The following CHSY3 variants were observed in gnomAD, a reference collection of about 807,000 sequenced individuals.
CHSY3 encodes N-acetylgalactosaminyl-proteoglycan 3-beta-glucuronosyltransferase 3.
Under a neutral mutation model 67.2 loss-of-function variants are expected in CHSY3, and 35 were observed. The observed-to-expected ratio is 0.52, with a 90% CI of 0.40 to 0.69. The LOEUF is 0.69. CHSY3 is among the 30% of genes least tolerant of loss of function. CHSY3 has a pLI of 0.00. For synonymous variants in CHSY3, 474 were observed against 434.7 expected (o/e 1.09, Z -1.12); for missense variants, 1,069 against 1,138.5 (o/e 0.94, Z 0.88).
intron 2 of CHSY3, among the ~76,000 whole-genome samples, chr5:130,054,141 A>G (rs1765454148): frequency 6.6e-6 from 1 of 152,106 alleles, no homozygotes; most frequent in Non-Finnish European, 1.5e-5. Flanking sequence ...GGTATTTTTA[A>G]TAGCTTCTGG....
At chr5:130,130,432 G>T (rs1255802987) in intron 2 of CHSY3, among the ~76,000 whole-genome samples, 1 of 152,090 alleles carries the variant, frequency 6.6e-6, no homozygotes, top group Non-Finnish European at 1.5e-5. Flanking sequence ...TCTCTAAGAT[G>T]CCACAGACAT....
intron 2 of CHSY3, among the ~76,000 whole-genome samples, chr5:130,055,862 C>A (rs965819373): frequency 6.6e-6 from 1 of 152,086 alleles, no homozygotes; most frequent in Admixed American, 6.6e-5. Context: ...TCATCCCTCT[C>A]CCTGCAGAAT....
intron 2 of CHSY3, among the ~76,000 whole-genome samples, chr5:130,123,414 T>C (rs1768122280): frequency 6.6e-6 from 1 of 152,296 alleles, no homozygotes; most frequent in Admixed American, 6.5e-5. Flanking sequence ...CTATTCCACC[T>C]CAAGCATTAG....
rs569117547 is a variant in CHSY3, at chr5:130,041,590, G to C, written c.1086+133230G>C. Among the ~76,000 whole-genome samples, 129 of 151,738 alleles carry C rather than the reference G, an allele frequency of 8.5e-4. 1 individual carries two copies. The highest frequency in any genetic ancestry group is 1.6e-3 in the Non-Finnish European group (109 of 67,946). ...AAGCAATGGTTGTTTTCTCTAAAAG[G>C]GTATCCCAATTGTGTAAAGATAATA... On this transcript the variant is annotated intron_variant, in intron 2 of 2. Transcript: ENST00000305031.
intron 2 of CHSY3, among the ~76,000 whole-genome samples, chr5:130,112,642 A>G (rs1767625620): frequency 6.6e-6 from 1 of 152,124 alleles, no homozygotes; most frequent in Non-Finnish European, 1.5e-5. Flanking sequence ...GTGGACATAA[A>G]TTGTTTCTAT....
chr5:130,086,329 T>A (rs1250007130), intron 2 of CHSY3, among the ~76,000 whole-genome samples: 2 of 152,104 alleles, frequency 1.3e-5, no homozygotes, highest in African/African-American at 4.8e-5. Context: ...GATAGTTAGC[T>A]CTTCTTGTTG....
Position 130,185,163 on chromosome 5 carries a change from TA to T in CHSY3, c.2025del (p.Tyr677ThrfsTer10). On this transcript the variant is annotated frameshift_variant, in exon 3 of 3. Transcript: ENST00000305031. LOFTEE classifies it high-confidence loss of function. Reference protein sequence around the residue: ...GQDSSKHIELIKGYQNKYPKA... With the variant: ...GQDSSKHIELXKGYQNKYPKA... ...GACTCCAGCAAGCATATTGAGCTGA[TA>T]AAAGGGTACCAGAACAAGTACCCCA... 1.2e-6 allele frequency: 2 copies of T among 1,608,118 alleles called. No homozygotes were observed. Among genetic ancestry groups the T allele is most frequent in the Non-Finnish European group, 8.5e-7 (1 of 1,174,596 alleles).
chr5:130,079,909 A>G (rs1474833010), intron 2 of CHSY3, among the ~76,000 whole-genome samples: 1 of 152,018 alleles, frequency 6.6e-6, no homozygotes, highest in Non-Finnish European at 1.5e-5. Flanking sequence ...CTCTCTGGCT[A>G]CCTTCTAATG....
chr5:130,088,554 G>T (rs1433229718), intron 2 of CHSY3, among the ~76,000 whole-genome samples: 1 of 152,074 alleles, frequency 6.6e-6, no homozygotes, highest in South Asian at 2.1e-4. Flanking sequence ...ATCGAAAAGT[G>T]GGCGAAGGAC....
At chr5:129,955,788 G>A (rs1762154136) in intron 2 of CHSY3, among the ~76,000 whole-genome samples, 1 of 152,078 alleles carries the variant, frequency 6.6e-6, no homozygotes, top group South Asian at 2.1e-4. Flanking sequence ...AGAATATGTG[G>A]TATTTGCTTT....
intron 2 of CHSY3, among the ~76,000 whole-genome samples, chr5:130,006,048 G>A (rs1763863947): frequency 6.6e-6 from 1 of 152,118 alleles, no homozygotes; most frequent in Admixed American, 6.6e-5. Context: ...ACTAATTTGT[G>A]TCAAATTAAT....
chr5:130,146,097 T>A (rs1769065959), intron 2 of CHSY3, among the ~76,000 whole-genome samples: 1 of 152,110 alleles, frequency 6.6e-6, no homozygotes, highest in African/African-American at 2.4e-5. Flanking sequence ...TCCTACTACT[T>A]AATATATATC....
intron 2 of CHSY3, among the ~76,000 whole-genome samples, chr5:130,136,312 T>C (rs1452300129): frequency 2.0e-5 from 3 of 152,124 alleles, no homozygotes; most frequent in Admixed American, 2.0e-4. Context: ...CATAATGTAT[T>C]TGGGAAACTG....
At chr5:130,064,555 G>C (rs1481925689) in intron 2 of CHSY3, among the ~76,000 whole-genome samples, 1 of 152,160 alleles carries the variant, frequency 6.6e-6, no homozygotes, top group Non-Finnish European at 1.5e-5. Flanking sequence ...TTCAAAAACA[G>C]TTCAAATAAT....
chr5:129,966,736 A>G lies in CHSY3; in HGVS notation c.1086+58376A>G, dbSNP rs147658982. Reference sequence around the variant, plus strand: ...CTTTTATCCAGTGTCTGCTCGAAGGAAAGACTCTCACCTACTGTTTGTGTA... The same window carrying G: ...CTTTTATCCAGTGTCTGCTCGAAGGGAAGACTCTCACCTACTGTTTGTGTA... On this transcript the variant is annotated intron_variant, in intron 2 of 2. Coordinates refer to ENST00000305031, the MANE Select transcript of CHSY3 (RefSeq NM_175856.5). Among the ~76,000 whole-genome samples, 12 of 151,896 alleles carry G rather than the reference A, an allele frequency of 7.9e-5. No individual in the cohort carries two copies. The East Asian group carries it at 2.1e-3, about 27-fold the overall frequency.
rs1356600752 is a variant in CHSY3 at position 130,143,804 on chromosome 5, A to ATATG, written c.1087-40424_1087-40423insATGT. 2.8e-3 allele frequency among the ~76,000 whole-genome samples: 106 copies of ATATG among 37,380 alleles called. 6 individuals are homozygous for ATATG. In the Middle Eastern group the frequency reaches 0.058, roughly 20 times the overall value. The allele number at this position is 37,380 out of a possible 152,430, so 24.5% of individuals were successfully genotyped here. Reference sequence around the variant, plus strand: ...TATGTGTATATATATATATATATATATGTGTGTATATATATATATATATAT... The same window carrying ATATG: ...TATGTGTATATATATATATATATATATATGTGTGTGTATATATATATATATATAT... On this transcript the variant is annotated intron_variant, in intron 2 of 2. Coordinates refer to ENST00000305031, the MANE Select transcript of CHSY3 (RefSeq NM_175856.5).
Position 129,904,935 on chromosome 5 carries a change from G to T in CHSY3, c.106G>T (p.Glu36Ter). The stretch of plus-strand genomic sequence containing the variant: ...CGCCCCCAGGGTGGCGGAGCTGAGC[G>T]AGAGGAAGAGACGTGGCTCCAGCCT... Reference protein sequence around the residue: ...LIAPRVAELSERKRRGSSLCS... With the variant: ...LIAPRVAELS Residue 36 changes from glutamate (E) to a stop codon, truncating the protein, a stop_gained, in exon 1 of 3, where the codon GAG becomes TAG. Coordinates refer to ENST00000305031, the MANE Select transcript of CHSY3 (RefSeq NM_175856.5). LOFTEE classifies it high-confidence loss of function. 6.5e-7 allele frequency: 1 copy of T among 1,549,154 alleles called. No individual in the cohort carries two copies. Among genetic ancestry groups the T allele is most frequent in the Non-Finnish European group, 8.7e-7 (1 of 1,151,222 alleles).
intron 2 of CHSY3, among the ~76,000 whole-genome samples, chr5:130,016,026 A>G (rs1285358419): frequency 1.3e-5 from 2 of 152,206 alleles, no homozygotes; most frequent in Non-Finnish European, 2.9e-5. Flanking sequence ...AATACAAGCT[A>G]AACATTTAGG....
At chr5:130,173,070 T>A (rs1326628368) in intron 2 of CHSY3, among the ~76,000 whole-genome samples, 1 of 152,204 alleles carries the variant, frequency 6.6e-6, no homozygotes, top group Non-Finnish European at 1.5e-5. Context: ...GGACTGAAAG[T>A]AACTTGAAAA....
Sources: allele counts gnomAD v4.1 joint callset (sites outside exome capture counted in the v4.1 genomes callset), GRCh38; gene constraint gnomAD v4.1.1; transcripts MANE v1.5; gene names NCBI Gene and HGNC (gene_info 2026-07-23, HGNC 2026-07-21).